The following AATF variants were observed in gnomAD, a reference collection of about 807,000 sequenced individuals.
AATF encodes the protein protein AATF.
Under a neutral mutation model 63.7 loss-of-function variants are expected in AATF, and 48 were observed. The ratio of observed to expected loss-of-function variants is 0.75; its 90% CI spans 0.60 to 0.96. The LOEUF (loss-of-function observed/expected upper bound fraction) is 0.96. Among genes scored for constraint, AATF ranks in the 40% least tolerant of loss-of-function variants. The pLI is 0.00. For synonymous variants in AATF, 258 were observed against 247.7 expected (o/e 1.04, Z -0.39); for missense variants, 639 against 685.7 (o/e 0.93, Z 0.76).
At chr17:37,005,567 G>A (rs749373654) in intron 8 of AATF, among the ~76,000 whole-genome samples, 2 of 152,168 alleles carry the variant, frequency 1.3e-5, no homozygotes, top group African/African-American at 2.4e-5. Flanking sequence ...CTTGTGAATC[G>A]TTCTCTAGTT....
chr17:37,035,704 C>T lies in AATF; in HGVS notation c.1619+4019C>T, dbSNP rs2071586823. ...TCAGGTGATTTACCTGCCTCGGCCT[C>T]CCAAAGTGCTAGGATTACTGGCGTG... On this transcript the variant is annotated intron_variant, in intron 11 of 11. Transcript: ENST00000619387. 2.0e-5 allele frequency among the ~76,000 whole-genome samples: 3 copies of T among 150,750 alleles called. No individual in the cohort carries two copies. In the South Asian group the frequency reaches 6.2e-4, roughly 31 times the overall value.
At position 36,986,685 on chromosome 17, in the gene AATF, C is replaced by A; in HGVS notation, c.901C>A (p.Pro301Thr). ...TCAGGAAGAGTTGCTTTTCCAGTACCCAGACACTAGATATCTAGTAGATGG... is the reference window on the plus strand; with the variant it reads ...TCAGGAAGAGTTGCTTTTCCAGTACACAGACACTAGATATCTAGTAGATGG... ...GLQEELLFQY[P>T]DTRYLVDGTK... The change falls in exon 5 of 12, where the codon CCA becomes ACA. Residue 301 changes from proline (P) to threonine (T), a missense_variant. By Grantham distance (38) the Pro-to-Thr change is conservative. Coordinates refer to ENST00000619387, the MANE Select transcript of AATF (RefSeq NM_012138.4). The A allele has an allele frequency of 6.2e-7, 1 of 1,614,026 alleles. No individual in the cohort carries two copies. Among genetic ancestry groups the A allele is most frequent in the Non-Finnish European group, 8.5e-7 (1 of 1,180,004 alleles).
Position 36,952,963 on chromosome 17 carries a change from G to T in AATF, c.361G>T (p.Asp121Tyr), listed in dbSNP as rs145557208. The change falls in exon 3 of 12, where the codon GAC (aspartate) becomes TAC (tyrosine). Residue 121 changes from aspartate (D) to tyrosine (Y), a missense_variant. Transcript: ENST00000619387. ...GGGTCTGGAGGAATATGATGAGGAC[G>T]ACCTGGGTGCTGCTGAGGAACAGGA... Reference protein sequence around the residue: ...GLGLEEYDEDDLGAAEEQECG... With the variant: ...GLGLEEYDEDYLGAAEEQECG... 5.0e-6 allele frequency: 8 copies of T among 1,614,066 alleles called. No homozygotes were observed. Among genetic ancestry groups the T allele is most frequent in the Non-Finnish European group, 6.8e-6 (8 of 1,180,026 alleles).
chr17:36,986,690 C>G lies in AATF; in HGVS notation c.906C>G (p.Asp302Glu). ...AAGAGTTGCTTTTCCAGTACCCAGA[C>G]ACTAGATATCTAGTAGATGGGACAA... ...LQEELLFQYP[D>E]TRYLVDGTKP... is the part of the protein sequence containing the mutation. The change falls in exon 5 of 12, where the codon GAC becomes GAG. Residue 302 changes from aspartate (D) to glutamate (E), a missense_variant. Coordinates refer to ENST00000619387, the MANE Select transcript of AATF (RefSeq NM_012138.4). 6.2e-7 allele frequency: 1 copy of G among 1,614,090 alleles called. No individual in the cohort carries two copies. Among genetic ancestry groups the G allele is most frequent in the Non-Finnish European group, 8.5e-7 (1 of 1,179,992 alleles).
At chr17:36,992,332 T>C (rs929297431) in intron 8 of AATF, among the ~76,000 whole-genome samples, 1 of 152,216 alleles carries the variant, frequency 6.6e-6, no homozygotes, top group African/African-American at 2.4e-5. Flanking sequence ...AGCTGTTCCC[T>C]GTCAGAGGTC....
intron 11 of AATF, among the ~76,000 whole-genome samples, chr17:37,038,238 C>T (rs1344929888): frequency 6.6e-6 from 1 of 152,198 alleles, no homozygotes; most frequent in African/African-American, 2.4e-5. Flanking sequence ...TAAGCATCTG[C>T]TTTTTGCCTG....
intron 11 of AATF, 177 bp from the exon 12 acceptor site, chr17:37,056,424 G>A: frequency 1.6e-6 from 1 of 622,098 alleles, no homozygotes; most frequent in Non-Finnish European, 2.8e-6. Context: ...TTTACTGTTT[G>A]ATTGGGTTTC....
At chr17:37,051,471 G>A (rs1240645988) in intron 11 of AATF, among the ~76,000 whole-genome samples, 1 of 152,064 alleles carries the variant, frequency 6.6e-6, no homozygotes, top group African/African-American at 2.4e-5. Flanking sequence ...ATTGTGGTGG[G>A]GTGAGTGCAC....
At chr17:36,949,450 T>C (rs1326202112) in intron 1 of AATF, among the ~76,000 whole-genome samples, 1 of 152,262 alleles carries the variant, frequency 6.6e-6, no homozygotes, top group Non-Finnish European at 1.5e-5. Flanking sequence ...GATCGAGGGC[T>C]CAGGCCGAGA....
chr17:37,037,886 T>C (rs984930288), intron 11 of AATF, among the ~76,000 whole-genome samples: 3 of 152,186 alleles, frequency 2.0e-5, no homozygotes, highest in African/African-American at 7.2e-5. Flanking sequence ...TCTGGTTGTT[T>C]AGCAGTGTGT....
At chr17:36,983,171 A>T (rs1229824368) in intron 4 of AATF, among the ~76,000 whole-genome samples, 2 of 152,026 alleles carry the variant, frequency 1.3e-5, no homozygotes, top group Admixed American at 6.6e-5. Context: ...CCTCCCAAGT[A>T]GCTAGGACTA....
intron 4 of AATF, among the ~76,000 whole-genome samples, chr17:36,963,453 C>T (rs186266697): frequency 6.6e-6 from 1 of 152,168 alleles, no homozygotes; most frequent in Non-Finnish European, 1.5e-5. Context: ...CAATGCCACA[C>T]ATTATGTACA....
chr17:36,970,641 G>A (rs149942483), intron 4 of AATF, among the ~76,000 whole-genome samples: 329 of 150,900 alleles, frequency 2.2e-3, no homozygotes, highest in African/African-American at 7.0e-3. Flanking sequence ...CCTGGCTCAT[G>A]CAGTCTTCCC....
At chr17:37,005,102 A>G (rs1490378508) in intron 8 of AATF, among the ~76,000 whole-genome samples, 1 of 152,162 alleles carries the variant, frequency 6.6e-6, no homozygotes, top group Non-Finnish European at 1.5e-5. Context: ...GTGGGAATAT[A>G]TATTTTGCTA....
At chr17:36,998,300 A>G (rs759614539) in intron 8 of AATF, among the ~76,000 whole-genome samples, 1 of 152,240 alleles carries the variant, frequency 6.6e-6, no homozygotes, top group Non-Finnish European at 1.5e-5. Context: ...TTTGGAGACC[A>G]TCAAGTCCAA....
At chr17:37,029,266 C>CA (rs2071534242) in intron 10 of AATF, among the ~76,000 whole-genome samples, 2 of 151,952 alleles carry the variant, frequency 1.3e-5, no homozygotes, top group African/African-American at 4.8e-5. Context: ...TTTTTTGAGA[C>CA]AGAGTCTTGC....
chr17:37,021,044 A>C lies in AATF; in HGVS notation c.1547+30A>C, dbSNP rs767883177. ...GTTACTTTTCGGAAAAAATGTCAAC[A>C]TATATTGTATATGTATCTCGTCTCT... On this transcript the variant is annotated intron_variant, in intron 10 of 11. Transcript: ENST00000619387. 2.6e-6 allele frequency: 4 copies of C among 1,513,062 alleles called. No homozygotes were observed. In the South Asian group the frequency reaches 4.7e-5, roughly 18 times the overall value. 93.7% of individuals were successfully genotyped at this position (1,513,062 alleles called of 1,614,324 possible).
chr17:37,046,500 TC>T (rs1465417415), intron 11 of AATF, among the ~76,000 whole-genome samples: 1 of 152,074 alleles, frequency 6.6e-6, no homozygotes, highest in Non-Finnish European at 1.5e-5. Flanking sequence ...TTCCTCTGTG[TC>T]CCCTGACTCG....
At chr17:37,032,716 GT>G (rs1168471915) in intron 11 of AATF, among the ~76,000 whole-genome samples, 1 of 151,866 alleles carries the variant, frequency 6.6e-6, no homozygotes, top group Non-Finnish European at 1.5e-5. Context: ...GTATTTTCCT[GT>G]TTTTCTTTTT....
Sources: allele counts gnomAD v4.1 joint callset (sites outside exome capture counted in the v4.1 genomes callset), GRCh38; gene constraint gnomAD v4.1.1; transcripts MANE v1.5; gene names NCBI Gene and HGNC (gene_info 2026-07-23, HGNC 2026-07-21).